The following RNF216 variants were observed in gnomAD, a reference collection of about 807,000 sequenced individuals.
The protein encoded by RNF216 is ring finger protein 216.
In RNF216, 72 loss-of-function variants were observed where a neutral mutation model predicts 110.8. The ratio of observed to expected loss-of-function variants is 0.65; its 90% CI spans 0.54 to 0.79. The LOEUF (loss-of-function observed/expected upper bound fraction) is 0.79. Ranked by LOEUF, RNF216 falls within the 30% of genes least tolerant of loss-of-function variation. RNF216 has a pLI of 0.00. For missense variants in RNF216, 1,342 were observed against 1,141.2 expected (o/e 1.18, Z -2.54); for synonymous variants, 495 against 407.5 (o/e 1.21, Z -2.59).
intron 15 of RNF216, among the ~76,000 whole-genome samples, chr7:5,634,463 C>A (rs1787271430): frequency 6.6e-6 from 1 of 152,248 alleles, no homozygotes; most frequent in Non-Finnish European, 1.5e-5. Flanking sequence ...AGACCCTTAG[C>A]CCCCACCCCT....
At chr7:5,771,796 C>G (rs1239455685) in intron 1 of RNF216, among the ~76,000 whole-genome samples, 2 of 151,882 alleles carry the variant, frequency 1.3e-5, no homozygotes, top group Non-Finnish European at 2.9e-5. Context: ...AAACCCTGTC[C>G]CCCCACCAAA....
chr7:5,690,858 A>T (rs986242339), intron 13 of RNF216, among the ~76,000 whole-genome samples: 1 of 151,764 alleles, frequency 6.6e-6, no homozygotes, highest in Admixed American at 6.5e-5. Context: ...ACACTTAATA[A>T]CACATACGCA....
intron 13 of RNF216, among the ~76,000 whole-genome samples, chr7:5,682,035 G>C (rs1171269948): frequency 1.3e-5 from 2 of 152,208 alleles, no homozygotes; most frequent in African/African-American, 2.4e-5. Context: ...TCTGTGGCCG[G>C]CTGCTGCCTC....
intron 1 of RNF216, among the ~76,000 whole-genome samples, chr7:5,767,681 C>T (rs1257048191): frequency 2.0e-5 from 3 of 151,770 alleles, no homozygotes. Flanking sequence ...TCACTGCAAC[C>T]TCTGCCTCCT....
At chr7:5,727,247 G>T (rs1193626325) in intron 7 of RNF216, among the ~76,000 whole-genome samples, 2 of 152,132 alleles carry the variant, frequency 1.3e-5, no homozygotes, top group African/African-American at 4.8e-5. Context: ...TCCCCTCTTT[G>T]TAGAGAAACT....
chr7:5,739,472 C>T (rs759067925), intron 4 of RNF216, 120 bp from the exon 5 acceptor site: 77 of 985,584 alleles, frequency 7.8e-5, no homozygotes, highest in Non-Finnish European at 1.0e-4. Flanking sequence ...GGCTGTGAAG[C>T]AGGTCTGTGT....
intron 15 of RNF216, among the ~76,000 whole-genome samples, chr7:5,635,015 AACG>A (rs1787311790): frequency 6.6e-6 from 1 of 152,148 alleles, no homozygotes; most frequent in Non-Finnish European, 1.5e-5. Flanking sequence ...ATGGGCACCT[AACG>A]ACCATGTATT....
At chr7:5,625,085 G>A (rs891585903) in intron 15 of RNF216, among the ~76,000 whole-genome samples, 1 of 152,252 alleles carries the variant, frequency 6.6e-6, no homozygotes, top group Non-Finnish European at 1.5e-5. Flanking sequence ...TTTCCTGGCT[G>A]GCTGCAGGGC....
At chr7:5,631,152 C>T (rs1584340273) in intron 15 of RNF216, among the ~76,000 whole-genome samples, 1 of 152,156 alleles carries the variant, frequency 6.6e-6, no homozygotes, top group African/African-American at 2.4e-5. Flanking sequence ...CACTTCTACT[C>T]AAGGAAACAA....
At chr7:5,656,221 ATG>A (rs1788732919) in intron 13 of RNF216, among the ~76,000 whole-genome samples, 1 of 152,166 alleles carries the variant, frequency 6.6e-6, no homozygotes, top group Admixed American at 6.5e-5. Flanking sequence ...TTGAGCTGAG[ATG>A]GTGCCACTGC....
chr7:5,678,846 A>C (rs852400), intron 13 of RNF216, among the ~76,000 whole-genome samples: 108,466 of 152,138 alleles, frequency 0.71, 39,259 homozygotes, highest in East Asian at 1. Flanking sequence ...GACTGGATAA[A>C]TTAAGAGGCA....
At chr7:5,716,941 A>T (rs1486708359) in intron 9 of RNF216, among the ~76,000 whole-genome samples, 175 bp from the exon 10 acceptor site, 2 of 152,252 alleles carry the variant, frequency 1.3e-5, no homozygotes, top group Non-Finnish European at 2.9e-5. Flanking sequence ...GAGCTAGAAA[A>T]TACAGGACAA....
At chr7:5,774,595 T>C (rs1462170022) in intron 1 of RNF216, among the ~76,000 whole-genome samples, 1 of 152,234 alleles carries the variant, frequency 6.6e-6, no homozygotes, top group African/African-American at 2.4e-5. Flanking sequence ...AAAATAGCTA[T>C]TCTTACATTA....
chr7:5,671,805 C>CAAAAAAAAAAAAAAAAAAAA lies in RNF216; in HGVS notation c.2062-19315_2062-19296dup, dbSNP rs11319565. Among the ~76,000 whole-genome samples the CAAAAAAAAAAAAAAAAAAAA allele has an allele frequency of 8.3e-4, 45 of 54,216 alleles. 2 individuals carry two copies. The highest frequency in any genetic ancestry group is 1.2e-3 in the Non-Finnish European group (37 of 30,358). The allele number at this position is 54,216 out of a possible 152,430, so 35.6% of individuals were successfully genotyped here. ...GAGCAAAGAGACCAAAACTCCGTCT[C>CAAAAAAAAAAAAAAAAAAAA]AAAAAAAAAAAAAAAAAAAAAAAAG... On this transcript the variant is annotated intron_variant, in intron 13 of 16. Coordinates refer to ENST00000389902, the MANE Select transcript of RNF216 (RefSeq NM_207111.4).
intron 13 of RNF216, among the ~76,000 whole-genome samples, chr7:5,689,516 AC>A (rs1791196738): frequency 6.6e-6 from 1 of 152,138 alleles, no homozygotes; most frequent in African/African-American, 2.4e-5. Flanking sequence ...AAAACAAAAA[AC>A]AAAAAACCCT....
chr7:5,758,635 C>T (rs1482522839), intron 2 of RNF216, among the ~76,000 whole-genome samples: 1 of 152,166 alleles, frequency 6.6e-6, no homozygotes, highest in East Asian at 1.9e-4. Flanking sequence ...TTAATGACCG[C>T]CCTGCTGGGT....
At chr7:5,642,578 T>C (rs1282728440) in intron 14 of RNF216, among the ~76,000 whole-genome samples, 1 of 151,424 alleles carries the variant, frequency 6.6e-6, no homozygotes, top group Non-Finnish European at 1.5e-5. Context: ...ATGTCTCAGC[T>C]TCCCAAGTAG....
intron 10 of RNF216, 45 bp downstream of exon 10, chr7:5,716,671 G>A: frequency 6.9e-7 from 1 of 1,453,014 alleles, no homozygotes; most frequent in Non-Finnish European, 9.5e-7. Flanking sequence ...AGAGAAAACA[G>A]CCCATGAAAA....
intron 8 of RNF216, among the ~76,000 whole-genome samples, chr7:5,724,603 T>C (rs950150789): frequency 3.3e-5 from 5 of 152,180 alleles, no homozygotes; most frequent in African/African-American, 1.2e-4. Context: ...AGTCACAGCC[T>C]AAGGGATTTT....
Sources: gnomAD v4.1 joint callset for allele counts (sites outside exome capture counted in the v4.1 genomes callset) on GRCh38, gnomAD v4.1.1 for gene constraint, MANE v1.5 for transcripts, NCBI Gene and HGNC (gene_info 2026-07-23, HGNC 2026-07-21) for gene names.